SPTY2D1: variants seen among roughly 807,000 people sequenced by gnomAD.
The protein encoded by SPTY2D1 is protein SPT2 homolog.
A neutral mutation model predicts 64.0 loss-of-function variants in SPTY2D1; 21 were observed. The observed-to-expected ratio is 0.33, with a 90% CI of 0.23 to 0.47. SPTY2D1 has a LOEUF of 0.47. Ranked by LOEUF, SPTY2D1 falls within the 20% of genes least tolerant of loss-of-function variation. The pLI, the probability that SPTY2D1 is intolerant of heterozygous loss-of-function variation, is 1.00. For synonymous variants in SPTY2D1, 287 were observed against 286.8 expected (o/e 1.00, Z -0.01); for missense variants, 724 against 837.2 (o/e 0.86, Z 1.67).
chr11:18,621,748 G>T (rs1464915979), intron 1 of SPTY2D1, among the ~76,000 whole-genome samples: 1 of 152,108 alleles, frequency 6.6e-6, no homozygotes, highest in African/African-American at 2.4e-5. Flanking sequence ...TTGTTTATAT[G>T]AACTGAGCCA....
At position 18,615,395 on chromosome 11, in the gene SPTY2D1, G is replaced by A. The variant is rs1313392155; in HGVS notation, c.879C>T (p.Gly293=). The change falls in exon 3 of 6, where the codon GGC becomes GGT. Residue 293 remains glycine (G), a synonymous_variant. Transcript: ENST00000336349. ...CACGAAGTGAGGGTTGGGAGCTATT[G>A]CCAGATCCTGCCTTGATCCTCTCTC... The part of the protein sequence containing the change: ...MPGERIKAGS[G]NSSQPSLREG... The A allele has an allele frequency of 3.1e-6, 5 of 1,614,072 alleles. No homozygotes were observed. The highest frequency in any genetic ancestry group is 2.7e-5 in the African/African-American group (2 of 74,926).
At chr11:18,618,780 G>A (rs889430941) in intron 1 of SPTY2D1, among the ~76,000 whole-genome samples, 1 of 152,184 alleles carries the variant, frequency 6.6e-6, no homozygotes, top group Non-Finnish European at 1.5e-5. Context: ...TGCCAAATAC[G>A]ACGTATCTTG....
chr11:18,610,686 A>AAAAAAAAAAAAAAAAAAAAAAAAAAAAC (rs1554987436), intron 5 of SPTY2D1, among the ~76,000 whole-genome samples: 2 of 147,186 alleles, frequency 1.4e-5, no homozygotes, highest in African/African-American at 2.5e-5. Context: ...AAAAAAAAAA[A>AAAAAAAAAAAAAAAAAAAAAAAAAAAAC]AACAACAATA....
chr11:18,618,294 C>T (rs1185269937), intron 1 of SPTY2D1, among the ~76,000 whole-genome samples: 3 of 152,136 alleles, frequency 2.0e-5, no homozygotes, highest in African/African-American at 7.2e-5. Flanking sequence ...TGTTAATTTG[C>T]CTCACAACCT....
At chr11:18,623,892 G>A (rs1285387106) in intron 1 of SPTY2D1, among the ~76,000 whole-genome samples, 1 of 152,044 alleles carries the variant, frequency 6.6e-6, no homozygotes, top group African/African-American at 2.4e-5. Flanking sequence ...CTTCCTTTTT[G>A]TGGCTGAATA....
intron 1 of SPTY2D1, among the ~76,000 whole-genome samples, chr11:18,619,806 G>C (rs117558813): frequency 0.028 from 4,216 of 152,138 alleles, 105 homozygotes; most frequent in Non-Finnish European, 0.037. Context: ...ATAGCTCATA[G>C]AGTTACAAAG....
chr11:18,631,649 A>T lies in SPTY2D1; in HGVS notation c.60+2549T>A, dbSNP rs533586179. 8.7e-5 allele frequency among the ~76,000 whole-genome samples: 13 copies of T among 148,808 alleles called. No homozygotes were observed. The South Asian group carries it at 2.7e-3, about 31-fold the overall frequency. On this transcript the variant is annotated intron_variant, in intron 1 of 5. Coordinates refer to ENST00000336349, the MANE Select transcript of SPTY2D1 (RefSeq NM_194285.3). ...AAACACTTTATTTCTTTTAAAATAGATGGCAAAAAAAGAAAAAAAGCTTTA... is the reference window on the plus strand; with the variant it reads ...AAACACTTTATTTCTTTTAAAATAGTTGGCAAAAAAAGAAAAAAAGCTTTA...
rs1854257918 is a variant in SPTY2D1 at position 18,614,584 on chromosome 11, A to G, written c.1690T>C (p.Ser564Pro). ...TTACCTTGGGCAGCTCTGTAGCCAG[A>G]TAGGGGAGGCTTCATTCCATTCATC... ...GQMNGMKPPLSGYRAAQGPQR... is the reference protein window; with the variant it reads ...GQMNGMKPPLPGYRAAQGPQR... Residue 564 changes from serine to proline, a missense_variant, in exon 3 of 6, where the codon TCT becomes CCT. Physicochemically the swap from Ser to Pro is moderately conservative, Grantham distance 74. Around this residue, in one of 3 missense-constraint regions of SPTY2D1, gnomAD observed 119 missense variants for 172.9 expected, o/e 0.69. Coordinates refer to ENST00000336349, the MANE Select transcript of SPTY2D1 (RefSeq NM_194285.3). The G allele has an allele frequency of 6.2e-7, 1 of 1,610,744 alleles. No individual in the cohort carries two copies. The highest frequency in any genetic ancestry group is 1.7e-5 in the Admixed American group (1 of 59,852).
chr11:18,618,473 T>C (rs58804032), intron 1 of SPTY2D1, among the ~76,000 whole-genome samples: 12,631 of 152,248 alleles, frequency 0.083, 1,390 homozygotes, highest in African/African-American at 0.26. Flanking sequence ...AAGTACCTAT[T>C]ATGAGAGAAA....
rs539219283 is a variant in SPTY2D1, at chr11:18,614,550, G to C, written c.1711+13C>G. 3 of 1,591,074 alleles carry C rather than the reference G, an allele frequency of 1.9e-6. No individual in the cohort carries two copies. The Admixed American group carries it at 5.3e-5, about 28-fold the overall frequency. ...GACAAATATATACTCTTTCGGGTGA[G>C]GGGAAATTTTACCTTGGGCAGCTCT... On this transcript the variant is annotated intron_variant, in intron 3 of 5. Transcript: ENST00000336349.
chr11:18,632,724 C>T (rs1258790510), intron 1 of SPTY2D1, among the ~76,000 whole-genome samples: 2 of 152,154 alleles, frequency 1.3e-5, no homozygotes, highest in Admixed American at 1.3e-4. Context: ...TATATTATGA[C>T]ATATACACAT....
Position 18,609,595 on chromosome 11 carries a change from C to T in SPTY2D1, c.*266G>A. ...AGTGGCCCCACATTAGAGTGCATAG[C>T]TCATCAGGATCAAGGCTGGCATCTG... is the stretch of plus-strand genomic sequence containing the variant. On this transcript the variant is annotated 3_prime_UTR_variant, in exon 6 of 6. Coordinates refer to ENST00000336349, the MANE Select transcript of SPTY2D1 (RefSeq NM_194285.3). The T allele has an allele frequency of 2.2e-6, 1 of 455,344 alleles. No homozygotes were observed. Among genetic ancestry groups the T allele is most frequent in the Non-Finnish European group, 3.9e-6 (1 of 254,816 alleles). The allele number at this position is 455,344 out of a possible 1,614,324, so 28.2% of individuals were successfully genotyped here.
At chr11:18,626,428 CA>C (rs11307645) in intron 1 of SPTY2D1, among the ~76,000 whole-genome samples, 127,189 of 148,986 alleles carry the variant, frequency 0.85, 55,466 homozygotes, top group Non-Finnish European at 0.94. Context: ...AACAAACAAA[CA>C]AAAAAAAAAA....
At position 18,614,564 on chromosome 11, in the gene SPTY2D1, T is replaced by C. The variant is rs1018881497; in HGVS notation, c.1710A>G (p.Gln570=). The change falls in exon 3 of 6, where the codon CAA becomes CAG. Residue 570 remains glutamine, a splice_region_variant and synonymous_variant. Transcript: ENST00000336349. ...CTTTCGGGTGAGGGGAAATTTTACC[T>C]TGGGCAGCTCTGTAGCCAGATAGGG... The part of the protein sequence containing the change: ...KPPLSGYRAA[Q]GPQRLPFPTG... 5.6e-6 allele frequency: 9 copies of C among 1,596,984 alleles called. No individual in the cohort carries two copies. The highest frequency in any genetic ancestry group is 7.7e-6 in the Non-Finnish European group (9 of 1,169,994).
intron 1 of SPTY2D1, among the ~76,000 whole-genome samples, chr11:18,624,546 G>T (rs933922838): frequency 6.6e-6 from 1 of 152,186 alleles, no homozygotes; most frequent in Non-Finnish European, 1.5e-5. Flanking sequence ...GCCAAGATTT[G>T]TAACTCTGAA....
chr11:18,611,267 A>AC (rs571229737), intron 5 of SPTY2D1, among the ~76,000 whole-genome samples: 82 of 152,254 alleles, frequency 5.4e-4, no homozygotes, highest in African/African-American at 1.9e-3. Context: ...ACATAGCGAG[A>AC]CCCCATCTCT....
chr11:18,615,884 T>C lies in SPTY2D1; in HGVS notation c.390A>G (p.Glu130=), dbSNP rs760587088. The change falls in exon 3 of 6, where the codon GAA becomes GAG. Residue 130 remains glutamate (E), a synonymous_variant. Transcript: ENST00000336349. ...DREYEMEEEN[E]FLEYNHAESE... ...ACTCTGCGTGATTGTACTCGAGGAA[T>C]TCATTCTCTTCTTCCATTTCATACT... The C allele has an allele frequency of 1.7e-5, 28 of 1,614,040 alleles. No homozygotes were observed. Among genetic ancestry groups the C allele is most frequent in the African/African-American group, 2.7e-5 (2 of 74,902 alleles).
Position 18,607,123 on chromosome 11 carries a change from A to G in SPTY2D1, c.*2738T>C, listed in dbSNP as rs1185104212. The stretch of plus-strand genomic sequence containing the variant: ...AGTGATCCGCCCGCCTCGGCCTCCC[A>G]AAGTGCTGGGATTACAGGCTTGAGC... On this transcript the variant is annotated 3_prime_UTR_variant, in exon 6 of 6. Coordinates refer to ENST00000336349, the MANE Select transcript of SPTY2D1 (RefSeq NM_194285.3). The G allele has an allele frequency of 5.4e-6, 1 of 185,428 alleles. No individual in the cohort carries two copies. Among genetic ancestry groups the G allele is most frequent in the Admixed American group, 6.5e-5 (1 of 15,436 alleles). 11.5% of individuals were successfully genotyped at this position (185,428 alleles called of 1,614,324 possible).
Position 18,612,888 on chromosome 11 carries a change from C to A in SPTY2D1, c.1712-400G>T, listed in dbSNP as rs1202985060. 1.3e-5 allele frequency among the ~76,000 whole-genome samples: 2 copies of A among 152,014 alleles called. No individual in the cohort carries two copies. Among genetic ancestry groups the A allele is most frequent in the African/African-American group, 4.8e-5 (2 of 41,396 alleles). ...CAAGCAATTCTCCTGCCTCAGCCTC[C>A]CGAGTAGCTGGGATTATAGGCATGT... On this transcript the variant is annotated intron_variant, in intron 3 of 5. Coordinates refer to ENST00000336349, the MANE Select transcript of SPTY2D1 (RefSeq NM_194285.3). This position sits in a 1 kb window ranked among gnomAD's most constrained non-coding sequence, Gnocchi z 4.6.
Sources: gnomAD v4.1 joint callset for allele counts (sites outside exome capture counted in the v4.1 genomes callset) on GRCh38, gnomAD v4.1.1 for gene constraint, gnomAD v4.1.1 regional missense constraint, Gnocchi (gnomAD v3.1) non-coding constraint, MANE v1.5 for transcripts, NCBI Gene and HGNC (gene_info 2026-07-23, HGNC 2026-07-21) for gene names.